GOLGA3: variants seen among roughly 807,000 people sequenced by gnomAD.
The protein encoded by GOLGA3 is golgin A3, also known as golgin subfamily A member 3.
In GOLGA3, 75 loss-of-function variants were observed where a neutral mutation model predicts 169.4. The ratio of observed to expected loss-of-function variants is 0.44; its 90% CI spans 0.37 to 0.54. The LOEUF (loss-of-function observed/expected upper bound fraction) is 0.54. Ranked by LOEUF, GOLGA3 falls within the 20% of genes least tolerant of loss-of-function variation. The pLI, the probability that GOLGA3 is intolerant of heterozygous loss-of-function variation, is 0.00. For missense variants in GOLGA3, 1,899 were observed against 1,930.0 expected, an observed-to-expected ratio of 0.98 and a Z score of 0.30; for synonymous variants, 824 against 822.4, an observed-to-expected ratio of 1.00 and a Z score of -0.03.
intron 12 of GOLGA3, among the ~76,000 whole-genome samples, chr12:132,790,320 C>T (rs976303142): frequency 6.6e-6 from 1 of 152,054 alleles, no homozygotes; most frequent in East Asian, 1.9e-4. Flanking sequence ...GGGTACAGAG[C>T]GAGACTTCAT....
chr12:132,811,152 C>T (rs575345832), intron 4 of GOLGA3, among the ~76,000 whole-genome samples: 106 of 152,284 alleles, frequency 7.0e-4, no homozygotes, highest in Middle Eastern at 3.4e-3. Context: ...AATAACAGCA[C>T]AGCCTGACAT....
intron 4 of GOLGA3, among the ~76,000 whole-genome samples, chr12:132,810,708 A>C (rs1263807063): frequency 6.6e-6 from 1 of 152,178 alleles, no homozygotes; most frequent in African/African-American, 2.4e-5. Flanking sequence ...ATTGCCAAGC[A>C]GACCATGGTC....
intron 17 of GOLGA3, 78 bp from the exon 18 acceptor site, chr12:132,780,992 GAC>G: frequency 9.8e-7 from 1 of 1,017,020 alleles, no homozygotes; most frequent in Non-Finnish European, 1.5e-6. Context: ...CAGGCAACGT[GAC>G]ACACGCCACA....
intron 21 of GOLGA3, among the ~76,000 whole-genome samples, chr12:132,776,087 C>T (rs945054648): frequency 3.9e-5 from 6 of 152,238 alleles, no homozygotes; most frequent in Non-Finnish European, 8.8e-5. Flanking sequence ...GGCCGCAGGC[C>T]GCATGGCACA....
intron 18 of GOLGA3, among the ~76,000 whole-genome samples, chr12:132,779,775 C>A (rs895539182): frequency 1.5e-5 from 2 of 131,382 alleles, no homozygotes; most frequent in African/African-American, 2.8e-5. Context: ...ATGGACACCC[C>A]CCCCGTGCAC....
chr12:132,828,139 G>A (rs1282158481), intron 1 of GOLGA3, among the ~76,000 whole-genome samples: 2 of 152,168 alleles, frequency 1.3e-5, no homozygotes, highest in African/African-American at 4.8e-5. Flanking sequence ...CGTCATAGAG[G>A]CCTTAGCACG....
Position 132,805,121 on chromosome 12 carries a change from C to A in GOLGA3, c.1291-99G>T, listed in dbSNP as rs1300885718. The A allele has an allele frequency of 6.7e-6, 9 of 1,348,634 alleles. No individual in the cohort carries two copies. The South Asian group carries it at 9.9e-5, about 15-fold the overall frequency. The allele number at this position is 1,348,634 out of a possible 1,614,324, so 83.5% of individuals were successfully genotyped here. A position where few individuals can be genotyped will look rare whatever the true frequency, so the allele number is the denominator to read the frequency against. The stretch of plus-strand genomic sequence containing the variant: ...AACCAGCGAGTCAGTCAGGGCCTGA[C>A]AGGGGACCCCGAGACCCCCAGGCGC... On this transcript the variant is annotated intron_variant, in intron 6 of 23. Transcript: ENST00000450791.
chr12:132,776,679 C>T lies in GOLGA3; in HGVS notation c.3933G>A (p.Glu1311=). ...CTTCCAGTTCCTTCCTGCCCTGCTG[C>T]TCCGTCAAGTCCAGCTGCTGCTTCA... is the stretch of plus-strand genomic sequence containing the variant. ...QSLKQQLDLT[E]QQGRKELEGL... is the part of the protein sequence containing the mutation. Residue 1311 remains glutamate, a synonymous_variant, in exon 21 of 24, where the codon GAG becomes GAA. Transcript: ENST00000450791. 6.2e-7 allele frequency: 1 copy of T among 1,614,112 alleles called. No homozygotes were observed. Among genetic ancestry groups the T allele is most frequent in the Non-Finnish European group, 8.5e-7 (1 of 1,180,016 alleles).
At chr12:132,784,873 A>C (rs1564645) in intron 15 of GOLGA3, among the ~76,000 whole-genome samples, 100,408 of 151,428 alleles carry the variant, frequency 0.66, 33,728 homozygotes, top group East Asian at 0.8. Flanking sequence ...CATGCACACA[A>C]ACACTCCACA....
chr12:132,794,028 C>CA (rs1218771912), intron 11 of GOLGA3, among the ~76,000 whole-genome samples: 4 of 152,220 alleles, frequency 2.6e-5, no homozygotes, highest in Non-Finnish European at 5.9e-5. Context: ...AGGAGCCCCC[C>CA]TGCGAAGGAT....
chr12:132,803,399 T>G lies in GOLGA3; in HGVS notation c.1597+1317A>C, dbSNP rs143646839. 4.8e-3 allele frequency among the ~76,000 whole-genome samples: 735 copies of G among 152,286 alleles called. 3 individuals are homozygous for G. The highest frequency in any genetic ancestry group is 0.017 in the African/African-American group (694 of 41,568). The stretch of plus-strand genomic sequence containing the variant: ...GCTCTGTCTTCGACCCAACGATGTC[T>G]ACCAGCCATCAACAAACAGCAAGGG... On this transcript the variant is annotated intron_variant, in intron 7 of 23. Transcript: ENST00000450791.
At position 132,782,359 on chromosome 12, in the gene GOLGA3, G is replaced by A. The variant is rs1404691941; in HGVS notation, c.3402C>T (p.His1134=). 4 of 1,614,272 alleles carry A rather than the reference G, an allele frequency of 2.5e-6. No individual in the cohort carries two copies. In the Admixed American group the frequency reaches 6.7e-5, roughly 27 times the overall value. The change falls in exon 17 of 24, where the codon CAC becomes CAT. Residue 1134 remains histidine (H), a synonymous_variant. Coordinates refer to ENST00000450791, the MANE Select transcript of GOLGA3 (RefSeq NM_001389683.1). Reference sequence around the variant, plus strand: ...CCAAAGCTGTTTCTAGGATGCTGTTGTGTTCCCGCAGAGCTGCGTTGGACT... The same window carrying A: ...CCAAAGCTGTTTCTAGGATGCTGTTATGTTCCCGCAGAGCTGCGTTGGACT... ...LGQSNAALRE[H]NSILETALAK... is the part of the protein sequence containing the mutation.
chr12:132,788,197 G>A (rs1002992932), intron 13 of GOLGA3, among the ~76,000 whole-genome samples: 5 of 152,074 alleles, frequency 3.3e-5, no homozygotes, highest in South Asian at 2.1e-4. Flanking sequence ...TGATGGTGCC[G>A]GCCACACCGC....
At position 132,773,171 on chromosome 12, in the gene GOLGA3, G is replaced by A. The variant is rs141251873; in HGVS notation, c.4431C>T (p.Ala1477=). ...TASPVPPGGH[A]GPRGDPQRHS... is the part of the protein sequence containing the mutation. Reference sequence around the variant, plus strand: ...GTCTCTGTGGGTCGCCGCGTGGGCCGGCGTGACCCCCCGGGGGCACAGGGC... The same window carrying A: ...GTCTCTGTGGGTCGCCGCGTGGGCCAGCGTGACCCCCCGGGGGCACAGGGC... The change falls in exon 24 of 24, where the codon GCC becomes GCT. Residue 1477 remains alanine (A), a synonymous_variant. Transcript: ENST00000450791. The A allele has an allele frequency of 6.6e-5, 104 of 1,585,242 alleles. No homozygotes were observed. Among genetic ancestry groups the A allele is most frequent in the East Asian group, 1.4e-4 (6 of 43,334 alleles).
chr12:132,801,053 A>G (rs2136521808), intron 8 of GOLGA3, among the ~76,000 whole-genome samples: 1 of 152,350 alleles, frequency 6.6e-6, no homozygotes, highest in Non-Finnish European at 1.5e-5. Context: ...TGAGACTCGG[A>G]TCGAGGTTCA....
At chr12:132,776,050 G>T (rs570634628) in intron 21 of GOLGA3, among the ~76,000 whole-genome samples, 42 of 152,348 alleles carry the variant, frequency 2.8e-4, no homozygotes, top group Non-Finnish European at 5.1e-4. Context: ...ACTGGACGAG[G>T]GCGCCAGCTC....
intron 3 of GOLGA3, among the ~76,000 whole-genome samples, chr12:132,814,012 C>T (rs1203387820): frequency 6.9e-6 from 1 of 145,162 alleles, no homozygotes; most frequent in African/African-American, 2.6e-5. Flanking sequence ...GCGTGAGCCA[C>T]CGCGCCCGGC....
At chr12:132,790,366 C>T (rs909138616) in intron 12 of GOLGA3, among the ~76,000 whole-genome samples, 2 of 152,124 alleles carry the variant, frequency 1.3e-5, no homozygotes, top group Admixed American at 6.6e-5. Flanking sequence ...CAGCAGCGCT[C>T]ACAACGCTGC....
Position 132,801,965 on chromosome 12 carries a change from G to A in GOLGA3, c.1602C>T (p.His534=), listed in dbSNP as rs746622208. 3.8e-5 allele frequency: 61 copies of A among 1,596,190 alleles called. 1 individual carries two copies. In the South Asian group the frequency reaches 5.3e-4, roughly 14 times the overall value. ...AGGCTGTCATCTGCTGTCGCAGGTC[G>A]TGCACTGAAATGGGGCAAGCACAGC... The part of the protein sequence containing the change: ...RSMLSKDNTV[H]DLRQQMTALQ... The change falls in exon 8 of 24, where the codon CAC becomes CAT. Residue 534 remains histidine (H), a synonymous_variant. Transcript: ENST00000450791.
Sources: gnomAD v4.1 joint callset for allele counts (sites outside exome capture counted in the v4.1 genomes callset) on GRCh38, gnomAD v4.1.1 for gene constraint, MANE v1.5 for transcripts, NCBI Gene and HGNC (gene_info 2026-07-23, HGNC 2026-07-21) for gene names.